The following NFIA variants were observed in gnomAD, a reference collection of about 807,000 sequenced individuals.
NFIA encodes the protein nuclear factor 1 A-type.
A neutral mutation model predicts 62.8 loss-of-function variants in NFIA; 8 were observed. The observed-to-expected ratio is 0.13, with a 90% CI of 0.07 to 0.23. The LOEUF (loss-of-function observed/expected upper bound fraction) is 0.23, where lower values mean the gene tolerates loss of function less well. Among genes scored for constraint, NFIA ranks in the 10% least tolerant of loss-of-function variants. NFIA has a pLI of 1.00. For missense variants in NFIA, 410 were observed against 642.1 expected (o/e 0.64, Z 3.91); for synonymous variants, 235 against 238.1 (o/e 0.99, Z 0.12).
chr1:61,129,450 CTTT>C (rs58108909), intron 2 of NFIA, among the ~76,000 whole-genome samples: 38 of 99,124 alleles, frequency 3.8e-4, no homozygotes, highest in Admixed American at 9.4e-4. Context: ...TTTCTTTATT[CTTT>C]TTTTTTTTTT....
chr1:61,100,939 C>CTTT (rs57533806), intron 2 of NFIA, among the ~76,000 whole-genome samples: 1 of 142,132 alleles, frequency 7.0e-6, no homozygotes, highest in Non-Finnish European at 1.5e-5. Flanking sequence ...GTTAACATTG[C>CTTT]TTTTTTTTTT....
rs539630098 is a variant in NFIA, at chr1:61,218,608, A to G, written c.560-58912A>G. 1.7e-4 allele frequency among the ~76,000 whole-genome samples: 26 copies of G among 152,228 alleles called. 1 individual carries two copies. The highest frequency in any genetic ancestry group is 5.5e-4 in the African/African-American group (23 of 41,464). On this transcript the variant is annotated intron_variant, in intron 2 of 10. Coordinates refer to ENST00000403491, the MANE Select transcript of NFIA (RefSeq NM_001134673.4). ...GGAAAATAATCCTTAAAATTTTACTATGTAGGGATTTATTCTTCCAAACAT... is the reference window on the plus strand; with the variant it reads ...GGAAAATAATCCTTAAAATTTTACTGTGTAGGGATTTATTCTTCCAAACAT...
At chr1:61,080,453 G>T (rs1462314000), upstream of NFIA, among the ~76,000 whole-genome samples, 1 of 152,176 alleles carries the variant, frequency 6.6e-6, no homozygotes, top group Non-Finnish European at 1.5e-5. Flanking sequence ...AGAGCTTCCC[G>T]AGTACACACT....
At chr1:61,212,815 C>T (rs146273841) in intron 2 of NFIA, among the ~76,000 whole-genome samples, 7 of 152,306 alleles carry the variant, frequency 4.6e-5, no homozygotes, top group Non-Finnish European at 5.9e-5. Context: ...AGAAGGAGGC[C>T]GTGTGGTTAA....
chr1:61,082,766 C>T lies in NFIA; in HGVS notation c.-26C>T. On this transcript the variant is annotated 5_prime_UTR_variant, in exon 1 of 11. Transcript: ENST00000403491. The stretch of plus-strand genomic sequence containing the variant: ...CCTCCAAACCGCACACCCAGACGCA[C>T]ACGCATACCCCAGCGCCCGGCAGTT... 2 of 1,553,146 alleles carry T rather than the reference C, an allele frequency of 1.3e-6. No homozygotes were observed. Among genetic ancestry groups the T allele is most frequent in the Non-Finnish European group, 1.7e-6 (2 of 1,147,766 alleles).
At chr1:61,156,816 T>C (rs1201898528) in intron 2 of NFIA, among the ~76,000 whole-genome samples, 2 of 152,236 alleles carry the variant, frequency 1.3e-5, no homozygotes, top group African/African-American at 4.8e-5. Context: ...AACTTCACTT[T>C]GCTTTAAAAG....
chr1:61,314,289 C>T (rs1660260260), intron 3 of NFIA, among the ~76,000 whole-genome samples: 1 of 152,148 alleles, frequency 6.6e-6, no homozygotes, highest in Non-Finnish European at 1.5e-5. Context: ...CTCTGTTGGC[C>T]TGCCTCCCCT....
intron 2 of NFIA, among the ~76,000 whole-genome samples, chr1:61,107,410 G>A (rs1372976186): frequency 6.6e-6 from 1 of 151,286 alleles, no homozygotes; most frequent in Non-Finnish European, 1.5e-5. Flanking sequence ...TTTTTAATTT[G>A]CATTTATAAT....
At chr1:61,204,822 A>G (rs1652787930) in intron 2 of NFIA, among the ~76,000 whole-genome samples, 1 of 152,110 alleles carries the variant, frequency 6.6e-6, no homozygotes, top group African/African-American at 2.4e-5. Context: ...TTGTGTGAGC[A>G]TTTTTCTGAC....
chr1:61,284,401 A>G (rs1658350238), intron 3 of NFIA, among the ~76,000 whole-genome samples: 1 of 152,178 alleles, frequency 6.6e-6, no homozygotes, highest in Admixed American at 6.5e-5. Context: ...ATTGTTTGCA[A>G]AGGCTCCTCA....
chr1:61,361,637 C>T (rs1265633704), intron 6 of NFIA, among the ~76,000 whole-genome samples: 1 of 152,060 alleles, frequency 6.6e-6, no homozygotes, highest in Non-Finnish European at 1.5e-5. Flanking sequence ...AATATTTTGA[C>T]CTAGTGACTC....
At chr1:61,266,527 A>G (rs1657179626) in intron 2 of NFIA, among the ~76,000 whole-genome samples, 1 of 152,004 alleles carries the variant, frequency 6.6e-6, no homozygotes, top group African/African-American at 2.4e-5. Context: ...CCTCCCAAGT[A>G]GCTGGGATTA....
At chr1:61,146,830 TA>T (rs1346411891) in intron 2 of NFIA, among the ~76,000 whole-genome samples, 2 of 33,526 alleles carry the variant, frequency 6.0e-5, no homozygotes, top group East Asian at 1.4e-3. Flanking sequence ...TCATCTTTCA[TA>T]GTTTTTTTTT....
intron 7 of NFIA, among the ~76,000 whole-genome samples, chr1:61,386,757 AG>A (rs1378785489): frequency 1.3e-5 from 2 of 152,238 alleles, no homozygotes; most frequent in African/African-American, 4.8e-5. Flanking sequence ...CGTTGAAGGG[AG>A]GTAGCGTAGC....
In NFIA at chr1:61,266,791, A is replaced by G. The variant is rs1467881088; in HGVS notation, c.560-10729A>G. On this transcript the variant is annotated intron_variant, in intron 2 of 10. Coordinates refer to ENST00000403491, the MANE Select transcript of NFIA (RefSeq NM_001134673.4). ...TGTTCCAGGCATGGTGCTATCTGCC[A>G]GTAAAAATGAGACAGAAAATTAAAT... 2.6e-5 allele frequency among the ~76,000 whole-genome samples: 4 copies of G among 152,244 alleles called. No individual in the cohort carries two copies. In the East Asian group the frequency reaches 7.7e-4, roughly 29 times the overall value.
intron 10 of NFIA, among the ~76,000 whole-genome samples, chr1:61,442,140 C>T (rs1396457895): frequency 2.0e-5 from 3 of 152,076 alleles, no homozygotes; most frequent in Non-Finnish European, 2.9e-5. Flanking sequence ...GAAGCCCTGA[C>T]GAGGGATGCC....
intron 3 of NFIA, among the ~76,000 whole-genome samples, chr1:61,320,950 A>G (rs1048600372): frequency 6.6e-6 from 1 of 152,166 alleles, no homozygotes; most frequent in African/African-American, 2.4e-5. Flanking sequence ...AACTAAAGCT[A>G]TTACAAATAG....
At chr1:61,100,790 T>G (rs1481909092) in intron 2 of NFIA, among the ~76,000 whole-genome samples, 5 of 152,060 alleles carry the variant, frequency 3.3e-5, no homozygotes, top group Admixed American at 3.3e-4. Context: ...AGATAGAGTC[T>G]CACTACATTG....
chr1:61,192,827 G>T (rs1387638994), intron 2 of NFIA, among the ~76,000 whole-genome samples: 1 of 152,136 alleles, frequency 6.6e-6, no homozygotes, highest in Non-Finnish European at 1.5e-5. Context: ...AAGTATTTCT[G>T]ATCTAAAGAG....
Sources: allele counts gnomAD v4.1 joint callset (sites outside exome capture counted in the v4.1 genomes callset), GRCh38; gene constraint gnomAD v4.1.1; transcripts MANE v1.5; gene names NCBI Gene and HGNC (gene_info 2026-07-23, HGNC 2026-07-21).